Variants in COP1 observed in about 807,000 individuals in gnomAD.
The protein encoded by COP1 is COP1 E3 ubiquitin ligase.
In COP1, 24 loss-of-function variants were observed where a neutral mutation model predicts 101.3. The ratio of observed to expected loss-of-function variants is 0.24; its 90% CI spans 0.17 to 0.33. The LOEUF is 0.33. Ranked by LOEUF, COP1 falls within the 10% of genes least tolerant of loss-of-function variation. The pLI is 1.00. For missense variants in COP1, 663 were observed against 906.2 expected (o/e 0.73, Z 3.45); for synonymous variants, 347 against 341.9 (o/e 1.01, Z -0.17).
At chr1:176,113,845 T>C (rs1487208813) in intron 9 of COP1, among the ~76,000 whole-genome samples, 1 of 152,034 alleles carries the variant, frequency 6.6e-6, no homozygotes, top group Admixed American at 6.6e-5. Context: ...TTCAGTAACT[T>C]ATGTAATGAT....
chr1:175,972,943 T>C (rs1010416329), intron 18 of COP1, among the ~76,000 whole-genome samples: 2 of 151,424 alleles, frequency 1.3e-5, no homozygotes, highest in East Asian at 2.0e-4. Context: ...AGCAATTCTT[T>C]TGCCTCAGCC....
In COP1 at chr1:176,207,031, G is replaced by T; in HGVS notation, c.-53C>A. On this transcript the variant is annotated 5_prime_UTR_variant, in exon 1 of 20. Transcript: ENST00000367669. Reference sequence around the variant, plus strand: ...CTCGGAGGAGAGGGACCGCGACCTCGACCCTCCGCCGCCTCCCCTCCCCTC... The same window carrying T: ...CTCGGAGGAGAGGGACCGCGACCTCTACCCTCCGCCGCCTCCCCTCCCCTC... 7.6e-7 allele frequency: 1 copy of T among 1,320,370 alleles called. No homozygotes were observed. The highest frequency in any genetic ancestry group is 9.7e-7 in the Non-Finnish European group (1 of 1,031,806). The allele number at this position is 1,320,370 out of a possible 1,614,324, so 81.8% of individuals were successfully genotyped here.
chr1:176,099,505 GTCTCTCTCTCTCTCTCTCTC>G (rs145354415), intron 9 of COP1, among the ~76,000 whole-genome samples: 4 of 143,788 alleles, frequency 2.8e-5, no homozygotes, highest in Admixed American at 1.4e-4. Context: ...GAGCATATTT[GTCTCTCTCTCTCTCTCTCTC>G]TCTCTCTCTC....
intron 3 of COP1, among the ~76,000 whole-genome samples, chr1:176,174,822 G>C (rs1272364297): frequency 6.6e-6 from 1 of 152,018 alleles, no homozygotes. Flanking sequence ...TCCCAAGAGT[G>C]CCCTACTTCA....
At chr1:176,061,123 T>G (rs1338536835) in intron 11 of COP1, among the ~76,000 whole-genome samples, 1 of 152,198 alleles carries the variant, frequency 6.6e-6, no homozygotes, top group African/African-American at 2.4e-5. Flanking sequence ...TACAGATCAA[T>G]ACAACAGAAC....
chr1:176,187,059 C>T (rs762706647), intron 1 of COP1, among the ~76,000 whole-genome samples: 43 of 152,278 alleles, frequency 2.8e-4, no homozygotes, highest in Non-Finnish European at 2.4e-4. Flanking sequence ...CTAAAAATTA[C>T]TATCAAATCA....
intron 18 of COP1, among the ~76,000 whole-genome samples, chr1:175,972,336 G>A (rs934112324): frequency 1.3e-5 from 2 of 152,090 alleles, no homozygotes; most frequent in Admixed American, 6.5e-5. Flanking sequence ...GGAAAACCAA[G>A]ACGTATTTTT....
chr1:176,043,292 C>A, intron 13 of COP1, 25 bp from the exon 14 acceptor site: 1 of 1,428,128 alleles, frequency 7.0e-7, no homozygotes, highest in Non-Finnish European at 9.8e-7. Flanking sequence ...AAGACAGTAG[C>A]CTCAGATAGA....
Position 176,085,787 on chromosome 1 carries a change from G to C in COP1, c.1130C>G (p.Ser377Cys). ...GTCTAAATATATACCTGAGATACGA[G>C]ACATCCTTGTAGAAAAGTAACACTG... Reference protein sequence around the residue: ...LEQCYFSTRMSRISDDSRTAS... With the variant: ...LEQCYFSTRMCRISDDSRTAS... Residue 377 changes from serine to cysteine, a missense_variant, in exon 10 of 20, where the codon TCT becomes TGT. Physicochemically the swap from Ser to Cys is moderately radical, Grantham distance 112. Around this residue, in one of 4 missense-constraint regions of COP1, gnomAD observed 212 missense variants for 240.7 expected, o/e 0.88. Transcript: ENST00000367669. The C allele has an allele frequency of 5.7e-6, 9 of 1,584,516 alleles. No individual in the cohort carries two copies. The highest frequency in any genetic ancestry group is 2.2e-5 in the East Asian group (1 of 44,536).
intron 15 of COP1, among the ~76,000 whole-genome samples, 197 bp from the exon 16 acceptor site, chr1:175,989,676 C>T (rs572327853): frequency 6.6e-6 from 1 of 152,008 alleles, no homozygotes; most frequent in Admixed American, 6.5e-5. Flanking sequence ...GTCAAAATAA[C>T]TGGAAACTTA....
chr1:176,127,427 A>T (rs1298573259), intron 8 of COP1, among the ~76,000 whole-genome samples: 1 of 152,054 alleles, frequency 6.6e-6, no homozygotes. Context: ...TAGATTCCGC[A>T]TGTAAGCAAG....
intron 8 of COP1, among the ~76,000 whole-genome samples, chr1:176,127,570 T>C (rs1161523032): frequency 8.6e-6 from 1 of 116,476 alleles, no homozygotes; most frequent in Non-Finnish European, 1.9e-5. Flanking sequence ...ACTGTGTGTG[T>C]GTGTGTGTGT....
intron 18 of COP1, chr1:175,968,402 T>C (rs1323917891): frequency 1.9e-6 from 1 of 515,108 alleles, no homozygotes; most frequent in Non-Finnish European, 3.9e-6. Context: ...TTAAAGGCTG[T>C]ACGGAGGGGA....
At chr1:176,019,799 T>C (rs564209878) in intron 15 of COP1, among the ~76,000 whole-genome samples, 2 of 151,824 alleles carry the variant, frequency 1.3e-5, no homozygotes, top group Non-Finnish European at 2.9e-5. Flanking sequence ...AGGCAGAGGC[T>C]GCAGTGAGCC....
At chr1:176,001,330 T>C (rs2148862670) in intron 15 of COP1, among the ~76,000 whole-genome samples, 1 of 152,240 alleles carries the variant, frequency 6.6e-6, no homozygotes, top group East Asian at 1.9e-4. Flanking sequence ...GTTAACATCA[T>C]GCATAAGAAT....
rs370017503 is a variant in COP1 at position 176,149,092 on chromosome 1, A to T, written c.763-18T>A. On this transcript the variant is annotated intron_variant, in intron 5 of 19. Transcript: ENST00000367669. ...TGTGATTCCTACAATAGAAAATTATAATTTTTCTTTTAAAAAATATAACTG... is the reference window on the plus strand; with the variant it reads ...TGTGATTCCTACAATAGAAAATTATTATTTTTCTTTTAAAAAATATAACTG... 6.7e-7 allele frequency: 1 copy of T among 1,503,652 alleles called. No individual in the cohort carries two copies. Among genetic ancestry groups the T allele is most frequent in the Admixed American group, 1.9e-5 (1 of 53,826 alleles). The allele number at this position is 1,503,652 out of a possible 1,614,324, so 93.1% of individuals were successfully genotyped here.
chr1:176,021,086 A>G (rs985563053), intron 15 of COP1, among the ~76,000 whole-genome samples: 15 of 152,264 alleles, frequency 9.9e-5, no homozygotes, highest in Admixed American at 7.8e-4. Context: ...GGCTCAAGCA[A>G]TCCCCCTGCT....
intron 1 of COP1, among the ~76,000 whole-genome samples, chr1:176,187,313 T>C (rs576000021): frequency 1.7e-3 from 257 of 152,002 alleles, no homozygotes; most frequent in South Asian, 8.3e-3. Context: ...CATACACACA[T>C]ATATACACAC....
chr1:176,053,274 C>T (rs986314373), intron 11 of COP1, among the ~76,000 whole-genome samples: 1 of 152,104 alleles, frequency 6.6e-6, no homozygotes, highest in African/African-American at 2.4e-5. Flanking sequence ...TCAAATAGGC[C>T]TGGAAGTAAA....
Sources: gnomAD v4.1 joint callset for allele counts (sites outside exome capture counted in the v4.1 genomes callset) on GRCh38, gnomAD v4.1.1 for gene constraint, gnomAD v4.1.1 regional missense constraint, MANE v1.5 for transcripts, NCBI Gene and HGNC (gene_info 2026-07-23, HGNC 2026-07-21) for gene names.